FAM20B: variants seen among roughly 807,000 people sequenced by gnomAD.
FAM20B encodes glycosaminoglycan xylosylkinase.
FAM20B carries 23 observed loss-of-function variants against 43.8 expected under a neutral mutation model. The ratio of observed to expected loss-of-function variants is 0.53; its 90% CI spans 0.38 to 0.74. The LOEUF is 0.74. FAM20B is among the 30% of genes least tolerant of loss of function. The probability of loss-of-function intolerance (pLI) is 0.00; values close to 1 mark genes in which losing one functional copy is unlikely to be tolerated. For synonymous variants in FAM20B, 178 were observed against 192.4 expected (o/e 0.93, Z 0.62); for missense variants, 440 against 510.5 (o/e 0.86, Z 1.33).
chr1:179,031,537 C>T (rs750570475), intron 1 of FAM20B, among the ~76,000 whole-genome samples: 3 of 152,190 alleles, frequency 2.0e-5, no homozygotes, highest in Non-Finnish European at 4.4e-5. Flanking sequence ...TTTACTTTCA[C>T]ATCCAGCAAG....
At chr1:179,071,841 G>C (rs1651935370) in intron 7 of FAM20B, 72 bp from the exon 8 acceptor site, 2 of 1,058,972 alleles carry the variant, frequency 1.9e-6, no homozygotes, top group South Asian at 2.8e-5. Context: ...ACTTTTGTCT[G>C]CCTAGCAGGC....
chr1:179,064,179 G>C (rs1284795064), intron 5 of FAM20B, 81 bp downstream of exon 5: 1 of 1,429,662 alleles, frequency 7.0e-7, no homozygotes, highest in Non-Finnish European at 9.6e-7. Flanking sequence ...CAGCAGTTCT[G>C]TCCAAGAGTG....
At chr1:179,030,830 T>G (rs900226828) in intron 1 of FAM20B, among the ~76,000 whole-genome samples, 4 of 151,242 alleles carry the variant, frequency 2.6e-5, no homozygotes, top group Non-Finnish European at 5.9e-5. Flanking sequence ...GTGAGTAAAA[T>G]CTATCCCATC....
chr1:179,066,965 G>A lies in FAM20B; in HGVS notation c.998+106G>A, dbSNP rs113909982. The A allele has an allele frequency of 2.8e-4, 214 of 777,330 alleles. No individual in the cohort carries two copies. In the African/African-American group the frequency reaches 3.1e-3, roughly 11 times the overall value. The allele number at this position is 777,330 out of a possible 1,614,324, so 48.2% of individuals were successfully genotyped here. On this transcript the variant is annotated intron_variant, in intron 7 of 7. Coordinates refer to ENST00000263733, the MANE Select transcript of FAM20B (RefSeq NM_014864.4). ...CCTCAAACTTTCTGATACCTGAGCAGTGCTTTTCATACTTTTCCAACCTAG... is the reference window on the plus strand; with the variant it reads ...CCTCAAACTTTCTGATACCTGAGCAATGCTTTTCATACTTTTCCAACCTAG...
chr1:179,057,602 A>G (rs1325755352), intron 4 of FAM20B, among the ~76,000 whole-genome samples: 1 of 152,218 alleles, frequency 6.6e-6, no homozygotes. Flanking sequence ...GACTTTCCCA[A>G]AGTCACAAAA....
At chr1:179,038,918 G>A (rs1650362539) in intron 1 of FAM20B, among the ~76,000 whole-genome samples, 2 of 152,226 alleles carry the variant, frequency 1.3e-5, no homozygotes, top group South Asian at 4.1e-4. Flanking sequence ...GAACAGAAAA[G>A]GAGTGGTTAA....
At chr1:179,053,748 A>G (rs1651104189) in intron 3 of FAM20B, among the ~76,000 whole-genome samples, 1 of 152,202 alleles carries the variant, frequency 6.6e-6, no homozygotes, top group African/African-American at 2.4e-5. Context: ...TGATGAGTAC[A>G]AAGCAAGATA....
At chr1:179,044,513 T>A (rs570440685) in intron 2 of FAM20B, among the ~76,000 whole-genome samples, 66 of 152,376 alleles carry the variant, frequency 4.3e-4, no homozygotes, top group Non-Finnish European at 8.4e-4. Flanking sequence ...TCCGTAGTTT[T>A]GCCTTTTCCT....
intron 4 of FAM20B, among the ~76,000 whole-genome samples, chr1:179,062,153 C>T (rs1057249565): frequency 3.3e-5 from 5 of 152,086 alleles, no homozygotes; most frequent in Middle Eastern, 3.2e-3. Context: ...ATTACAGGTG[C>T]ACACCACTAC....
At chr1:179,055,715 C>G (rs1651189870) in intron 4 of FAM20B, among the ~76,000 whole-genome samples, 1 of 152,078 alleles carries the variant, frequency 6.6e-6, no homozygotes, top group African/African-American at 2.4e-5. Context: ...TCAACTCACA[C>G]ATTGTATGAA....
chr1:179,075,327 A>G lies in FAM20B; in HGVS notation c.*3183A>G, dbSNP rs758688616. ...TGTAAGTTAGGTATGCCTACCAAACATCCAAAGGTAGACGTGGAGACATTT... is the reference window on the plus strand; with the variant it reads ...TGTAAGTTAGGTATGCCTACCAAACGTCCAAAGGTAGACGTGGAGACATTT... On this transcript the variant is annotated 3_prime_UTR_variant, in exon 8 of 8. Transcript: ENST00000263733. The G allele has an allele frequency of 1.3e-5, 2 of 152,196 alleles. No homozygotes were observed. Among genetic ancestry groups the G allele is most frequent in the Admixed American group, 6.5e-5 (1 of 15,280 alleles). 9.4% of individuals were successfully genotyped at this position (152,196 alleles called of 1,614,324 possible).
chr1:179,061,074 GA>G (rs1372254226), intron 4 of FAM20B, among the ~76,000 whole-genome samples: 2 of 122,380 alleles, frequency 1.6e-5, no homozygotes, highest in Non-Finnish European at 3.2e-5. Flanking sequence ...ACTCTTTGTC[GA>G]ATTTTTTTTT....
chr1:179,047,094 A>G (rs1031304119), intron 2 of FAM20B, among the ~76,000 whole-genome samples: 3 of 152,218 alleles, frequency 2.0e-5, no homozygotes, highest in Admixed American at 6.5e-5. Flanking sequence ...GATATTCCCA[A>G]GAGCGTGCAG....
intron 3 of FAM20B, among the ~76,000 whole-genome samples, chr1:179,053,172 C>G (rs546255418): frequency 2.0e-5 from 3 of 152,256 alleles, no homozygotes; most frequent in South Asian, 4.1e-4. Context: ...TGCCAGTCGC[C>G]CTGTCACTTT....
chr1:179,043,144 C>A (rs558781831), intron 1 of FAM20B, among the ~76,000 whole-genome samples: 1 of 152,316 alleles, frequency 6.6e-6, no homozygotes, highest in South Asian at 2.1e-4. Context: ...CTGAGCCATC[C>A]TCAGTCCTCC....
chr1:179,021,923 C>A (rs76485501), upstream of FAM20B, among the ~76,000 whole-genome samples: 400 of 152,212 alleles, frequency 2.6e-3, 1 homozygote, highest in Non-Finnish European at 4.2e-3. Flanking sequence ...GAAAAAATAA[C>A]CGAAATATTC....
intron 1 of FAM20B, among the ~76,000 whole-genome samples, chr1:179,031,911 C>G (rs953390579): frequency 3.3e-5 from 5 of 152,170 alleles, no homozygotes; most frequent in African/African-American, 1.2e-4. Flanking sequence ...CCATCTGTTT[C>G]AGTTACATTG....
chr1:179,021,845 T>G (rs1469491928), upstream of FAM20B, among the ~76,000 whole-genome samples: 2 of 152,246 alleles, frequency 1.3e-5, no homozygotes, highest in African/African-American at 4.8e-5. Context: ...TGAGTATATT[T>G]TAAGCAAGTG....
At chr1:179,043,082 G>A (rs1484862579) in intron 1 of FAM20B, among the ~76,000 whole-genome samples, 1 of 152,194 alleles carries the variant, frequency 6.6e-6, no homozygotes, top group East Asian at 1.9e-4. Context: ...CACCATTCAT[G>A]TCATCCACAG....
Sources: allele counts gnomAD v4.1 joint callset (sites outside exome capture counted in the v4.1 genomes callset), GRCh38; gene constraint gnomAD v4.1.1; transcripts MANE v1.5; gene names NCBI Gene and HGNC (gene_info 2026-07-23, HGNC 2026-07-21).